The following MED27 variants were observed in gnomAD, a reference collection of about 807,000 sequenced individuals.
MED27 encodes the protein mediator of RNA polymerase II transcription subunit 27.
Under a neutral mutation model 38.2 loss-of-function variants are expected in MED27, and 30 were observed. The observed-to-expected ratio is 0.79, with a 90% CI of 0.59 to 1.07. The LOEUF (loss-of-function observed/expected upper bound fraction) is 1.07. Among genes scored for constraint, MED27 ranks in the 50% least tolerant of loss-of-function variants. The probability of loss-of-function intolerance (pLI) is 0.00; values close to 1 mark genes in which losing one functional copy is unlikely to be tolerated. For synonymous variants in MED27, 122 were observed against 153.5 expected (o/e 0.79, Z 1.52); for missense variants, 289 against 397.5 (o/e 0.73, Z 2.32).
chr9:132,067,388 T>C (rs879768393), intron 2 of MED27, among the ~76,000 whole-genome samples: 5 of 152,186 alleles, frequency 3.3e-5, no homozygotes, highest in Admixed American at 2.0e-4. Flanking sequence ...TCTCAAAGCC[T>C]TGCTTCCCAG....
intron 3 of MED27, among the ~76,000 whole-genome samples, chr9:131,955,684 A>G (rs1320219939): frequency 2.6e-5 from 4 of 152,222 alleles, no homozygotes; most frequent in African/African-American, 9.6e-5. Context: ...CTGACATGAG[A>G]AGAAATAAAC....
chr9:132,010,896 G>T (rs187958712), intron 3 of MED27, among the ~76,000 whole-genome samples: 253 of 152,258 alleles, frequency 1.7e-3, no homozygotes, highest in African/African-American at 5.2e-3. Flanking sequence ...GTGGGCGAAG[G>T]GGGGAGGGAT....
chr9:132,042,035 G>A (rs1833225919), intron 2 of MED27, among the ~76,000 whole-genome samples: 1 of 152,212 alleles, frequency 6.6e-6, no homozygotes, highest in South Asian at 2.1e-4. Flanking sequence ...CAGGGGAGGT[G>A]ACAAAGTACG....
At chr9:131,949,019 C>T (rs946450592) in intron 3 of MED27, among the ~76,000 whole-genome samples, 2 of 152,194 alleles carry the variant, frequency 1.3e-5, no homozygotes, top group Non-Finnish European at 2.9e-5. Flanking sequence ...CTTCCTGCTA[C>T]GGGGTGTCAA....
At chr9:131,949,344 C>T (rs1830944892) in intron 3 of MED27, among the ~76,000 whole-genome samples, 1 of 152,120 alleles carries the variant, frequency 6.6e-6, no homozygotes, top group Non-Finnish European at 1.5e-5. Flanking sequence ...CACTGTTTTC[C>T]AGTTTTCAAA....
chr9:131,958,740 A>G (rs533855695), intron 3 of MED27, among the ~76,000 whole-genome samples: 2 of 152,230 alleles, frequency 1.3e-5, no homozygotes, highest in East Asian at 3.9e-4. Flanking sequence ...TTGAAACTAC[A>G]GTCCTGAAAG....
intron 4 of MED27, among the ~76,000 whole-genome samples, chr9:131,931,846 A>C (rs1830594032): frequency 6.6e-6 from 1 of 152,236 alleles, no homozygotes; most frequent in African/African-American, 2.4e-5. Context: ...TGGAACACTT[A>C]GATACATAAA....
At chr9:132,041,484 C>A (rs1296245260) in intron 2 of MED27, among the ~76,000 whole-genome samples, 1 of 152,196 alleles carries the variant, frequency 6.6e-6, no homozygotes, top group Non-Finnish European at 1.5e-5. Flanking sequence ...GACTGCAGTT[C>A]TGCCAGACAG....
intron 5 of MED27, among the ~76,000 whole-genome samples, chr9:131,891,224 C>T (rs1011882184): frequency 1.3e-5 from 2 of 152,130 alleles, no homozygotes; most frequent in Non-Finnish European, 2.9e-5. Flanking sequence ...CGTGCAAATA[C>T]GTGAAAGAGT....
At chr9:132,064,626 G>C (rs1423996080) in intron 2 of MED27, among the ~76,000 whole-genome samples, 9 of 152,216 alleles carry the variant, frequency 5.9e-5, no homozygotes. Flanking sequence ...CTGGTGCCAT[G>C]CCAAAGGCAA....
At chr9:131,895,906 T>TG (rs1829824702) in intron 4 of MED27, among the ~76,000 whole-genome samples, 1 of 149,978 alleles carries the variant, frequency 6.7e-6, no homozygotes, top group Non-Finnish European at 1.5e-5. Flanking sequence ...TTATAGTTGT[T>TG]TTTTTTTTTT....
At chr9:132,008,806 C>G (rs1373186982) in intron 3 of MED27, among the ~76,000 whole-genome samples, 2 of 152,248 alleles carry the variant, frequency 1.3e-5, no homozygotes, top group Non-Finnish European at 2.9e-5. Context: ...TGCACTAATA[C>G]GCACAGGGTT....
At position 132,079,615 on chromosome 9, in the gene MED27, ACCCCGGCCCCTTCAG is replaced by A; in HGVS notation, c.203+12_203+26del. The A allele has an allele frequency of 6.2e-7, 1 of 1,607,368 alleles. No individual in the cohort carries two copies. Among genetic ancestry groups the A allele is most frequent in the East Asian group, 2.2e-5 (1 of 44,808 alleles). On this transcript the variant is annotated intron_variant, in intron 1 of 7. Coordinates refer to ENST00000292035, the MANE Select transcript of MED27 (RefSeq NM_004269.4). The stretch of plus-strand genomic sequence containing the variant: ...AGGGTCGGAGCGGGGCCGGTCCCCG[ACCCCGGCCCCTTCAG>A]CCGGTACCTACTTGAGGTCCCGGTT...
At chr9:131,947,017 A>G (rs1428994650) in intron 3 of MED27, among the ~76,000 whole-genome samples, 1 of 152,192 alleles carries the variant, frequency 6.6e-6, no homozygotes, top group Non-Finnish European at 1.5e-5. Context: ...ACAGAATTCT[A>G]TGGGAACCTA....
intron 3 of MED27, among the ~76,000 whole-genome samples, chr9:131,973,885 T>A (rs984539480): frequency 6.9e-6 from 1 of 144,324 alleles, no homozygotes; most frequent in African/African-American, 2.6e-5. Flanking sequence ...TTTTTTCTAT[T>A]TTTTTTTTTT....
chr9:131,951,413 C>T (rs985826973), intron 3 of MED27, among the ~76,000 whole-genome samples: 1 of 152,240 alleles, frequency 6.6e-6, no homozygotes, highest in East Asian at 1.9e-4. Flanking sequence ...CCCCAGCACA[C>T]TGTCCAGCAC....
chr9:132,044,531 G>A (rs1461177619), intron 2 of MED27, among the ~76,000 whole-genome samples: 5 of 152,238 alleles, frequency 3.3e-5, no homozygotes, highest in South Asian at 2.1e-4. Context: ...AGACGAGGCC[G>A]ACTTCACCTC....
chr9:131,895,826 G>A (rs1829822983), intron 4 of MED27, among the ~76,000 whole-genome samples: 1 of 152,002 alleles, frequency 6.6e-6, no homozygotes, highest in South Asian at 2.1e-4. Flanking sequence ...CATGGAGGTA[G>A]AGTGAGTAAC....
At chr9:131,957,334 A>T (rs756770000) in intron 3 of MED27, among the ~76,000 whole-genome samples, 4 of 151,500 alleles carry the variant, frequency 2.6e-5, no homozygotes, top group Non-Finnish European at 5.9e-5. Context: ...AGCTCACTGT[A>T]GCTGCAATCT....
Sources: allele counts gnomAD v4.1 joint callset (sites outside exome capture counted in the v4.1 genomes callset), GRCh38; gene constraint gnomAD v4.1.1; transcripts MANE v1.5; gene names NCBI Gene and HGNC (gene_info 2026-07-23, HGNC 2026-07-21).